The following CBLB variants were observed in gnomAD, a reference collection of about 807,000 sequenced individuals.
The protein encoded by CBLB is E3 ubiquitin-protein ligase CBL-B.
Under a neutral mutation model 104.9 loss-of-function variants are expected in CBLB, and 31 were observed. The ratio of observed to expected loss-of-function variants is 0.30; its 90% CI spans 0.22 to 0.40. CBLB has a LOEUF of 0.40. CBLB is among the 10% of genes least tolerant of loss of function. The pLI, the probability that CBLB is intolerant of heterozygous loss-of-function variation, is 1.00. For synonymous variants in CBLB, 440 were observed against 422.6 expected (o/e 1.04, Z -0.51); for missense variants, 1,062 against 1,214.6 (o/e 0.87, Z 1.87).
At chr3:105,776,335 A>G (rs9657905) in intron 4 of CBLB, 61 bp downstream of exon 4, 5 of 1,410,212 alleles carry the variant, frequency 3.5e-6, no homozygotes, top group Non-Finnish European at 5.0e-6. Context: ...ATCCAACTGG[A>G]GGGAGGATAC....
At chr3:105,726,137 C>T (rs943863362) in intron 9 of CBLB, among the ~76,000 whole-genome samples, 3 of 152,112 alleles carry the variant, frequency 2.0e-5, no homozygotes, top group Non-Finnish European at 1.5e-5. Flanking sequence ...GTGTGAGCAA[C>T]CGCGCCTGGC....
rs1236827588 is a variant in CBLB at position 105,659,134 on chromosome 3, A to G, written c.2785T>C (p.Leu929=). Residue 929 remains leucine (L), a synonymous_variant, in exon 19 of 19, where the codon TTG becomes CTG. Coordinates refer to ENST00000394030, the MANE Select transcript of CBLB (RefSeq NM_170662.5). The part of the protein sequence containing the change: ...HRKPHGPEAA[L]ENVDAKIAKL... ...GCAATTTTTGCATCGACATTTTCCAATGCCGCCTCAGGCCCATGGGGTTTT... is the reference window on the plus strand; with the variant it reads ...GCAATTTTTGCATCGACATTTTCCAGTGCCGCCTCAGGCCCATGGGGTTTT... 6 of 1,613,824 alleles carry G rather than the reference A, an allele frequency of 3.7e-6. No homozygotes were observed. Among genetic ancestry groups the G allele is most frequent in the Non-Finnish European group, 3.4e-6 (4 of 1,179,932 alleles).
intron 3 of CBLB, among the ~76,000 whole-genome samples, chr3:105,776,998 G>A (rs954476186): frequency 3.3e-5 from 5 of 152,092 alleles, no homozygotes; most frequent in African/African-American, 7.2e-5. Flanking sequence ...GAGAAAGGGA[G>A]GATGCAGAGG....
At chr3:105,820,976 C>A (rs754442034) in intron 3 of CBLB, among the ~76,000 whole-genome samples, 2 of 151,890 alleles carry the variant, frequency 1.3e-5, no homozygotes, top group Non-Finnish European at 2.9e-5. Flanking sequence ...AAAAAATATA[C>A]CTTTTACCTA....
chr3:105,665,545 T>C (rs1207684583), intron 18 of CBLB, among the ~76,000 whole-genome samples: 1 of 146,304 alleles, frequency 6.8e-6, no homozygotes, highest in Non-Finnish European at 1.5e-5. Flanking sequence ...ACAGTAAAAA[T>C]AAATTTATAT....
At chr3:105,751,861 C>G (rs1400675795) in intron 4 of CBLB, among the ~76,000 whole-genome samples, 2 of 152,042 alleles carry the variant, frequency 1.3e-5, no homozygotes, top group Non-Finnish European at 2.9e-5. Flanking sequence ...CAGTCCTAGG[C>G]TATCAAGATA....
chr3:105,858,137 A>G (rs568730627), intron 2 of CBLB, among the ~76,000 whole-genome samples: 41 of 152,316 alleles, frequency 2.7e-4, no homozygotes, highest in African/African-American at 8.7e-4. Context: ...AAGGCCCTGT[A>G]GGCTAAACTG....
At chr3:105,843,900 T>C (rs542144600) in intron 3 of CBLB, among the ~76,000 whole-genome samples, 23 of 152,206 alleles carry the variant, frequency 1.5e-4, no homozygotes, top group Non-Finnish European at 1.0e-4. Context: ...ATTTGGTCAC[T>C]GTTAGGGACT....
At position 105,720,248 on chromosome 3, in the gene CBLB, C is replaced by G. The variant is rs371507617; in HGVS notation, c.1206G>C (p.Glu402Asp). 3 of 1,611,244 alleles carry G rather than the reference C, an allele frequency of 1.9e-6. No individual in the cohort carries two copies. Among genetic ancestry groups the G allele is most frequent in the Middle Eastern group, 1.8e-4 (1 of 5,642 alleles). Reference protein sequence around the residue: ...MCTSCLTAWQESDGQGCPFCR... With the variant: ...MCTSCLTAWQDSDGQGCPFCR... ...AGAAAGGGCAGCCCTGACCATCCGA[C>G]TCCTAAACAAATAGAAAATGCATGG... The change falls in exon 10 of 19, where the codon GAG becomes GAC. Residue 402 changes from glutamate to aspartate, a missense_variant and splice_region_variant. Physicochemically the swap from Glu to Asp is conservative, Grantham distance 45 (BLOSUM62 2). Coordinates refer to ENST00000394030, the MANE Select transcript of CBLB (RefSeq NM_170662.5).
chr3:105,725,711 G>A (rs2073516899), intron 9 of CBLB, among the ~76,000 whole-genome samples: 1 of 152,152 alleles, frequency 6.6e-6, no homozygotes, highest in Non-Finnish European at 1.5e-5. Flanking sequence ...AAAGACAAAA[G>A]TGCCAATTTA....
intron 2 of CBLB, among the ~76,000 whole-genome samples, chr3:105,863,567 A>C (rs1291792688): frequency 6.6e-6 from 1 of 152,236 alleles, no homozygotes; most frequent in Non-Finnish European, 1.5e-5. Flanking sequence ...TCAGCTTAGA[A>C]AAGAAAGTTG....
chr3:105,853,197 G>A (rs542957728), intron 3 of CBLB, among the ~76,000 whole-genome samples: 1 of 152,110 alleles, frequency 6.6e-6, no homozygotes, highest in Admixed American at 6.5e-5. Context: ...ATACCATCTA[G>A]CTCTGTGTAA....
intron 17 of CBLB, among the ~76,000 whole-genome samples, chr3:105,675,315 C>T (rs184022327): frequency 6.6e-6 from 1 of 152,184 alleles, no homozygotes; most frequent in African/African-American, 2.4e-5. Context: ...TTTTATAATT[C>T]TAAAACTACT....
intron 12 of CBLB, among the ~76,000 whole-genome samples, chr3:105,701,282 T>G (rs1354105753): frequency 6.6e-6 from 1 of 152,154 alleles, no homozygotes; most frequent in Non-Finnish European, 1.5e-5. Flanking sequence ...GGAAAAGAAC[T>G]TGGGAAAAGA....
chr3:105,679,333 CT>C (rs75666482), intron 16 of CBLB, among the ~76,000 whole-genome samples: 3,760 of 102,498 alleles, frequency 0.037, 895 homozygotes, highest in Middle Eastern at 0.13. Context: ...TACCTTGAGT[CT>C]TTAAAAAAAA....
At chr3:105,798,856 T>C (rs1197236848) in intron 3 of CBLB, among the ~76,000 whole-genome samples, 2 of 152,198 alleles carry the variant, frequency 1.3e-5, no homozygotes, top group Non-Finnish European at 2.9e-5. Flanking sequence ...CTGCCTTATA[T>C]GTGTGTGAGA....
At chr3:105,743,869 A>G (rs2075858413) in intron 6 of CBLB, among the ~76,000 whole-genome samples, 1 of 152,010 alleles carries the variant, frequency 6.6e-6, no homozygotes, top group African/African-American at 2.4e-5. Flanking sequence ...AATTTGTTAT[A>G]TATTATTTAT....
chr3:105,738,232 CA>C (rs2075161934), intron 7 of CBLB, among the ~76,000 whole-genome samples: 1 of 151,798 alleles, frequency 6.6e-6, no homozygotes, highest in Non-Finnish European at 1.5e-5. Context: ...TTTAAAATAA[CA>C]AAAAATATTT....
chr3:105,765,494 G>C (rs1278477222), intron 4 of CBLB, among the ~76,000 whole-genome samples: 1 of 152,048 alleles, frequency 6.6e-6, no homozygotes, highest in Non-Finnish European at 1.5e-5. Context: ...TCAGAACTAT[G>C]AGAAATAAAT....
Sources: allele counts gnomAD v4.1 joint callset (sites outside exome capture counted in the v4.1 genomes callset), GRCh38; gene constraint gnomAD v4.1.1; transcripts MANE v1.5; gene names NCBI Gene and HGNC (gene_info 2026-07-23, HGNC 2026-07-21).